NCLN: variants seen among roughly 807,000 people sequenced by gnomAD.
NCLN encodes the protein nicalin.
NCLN carries 34 observed loss-of-function variants against 69.5 expected under a neutral mutation model. The observed-to-expected ratio is 0.49, with a 90% CI of 0.37 to 0.65. The LOEUF (loss-of-function observed/expected upper bound fraction) is 0.65. Among genes scored for constraint, NCLN ranks in the 30% least tolerant of loss-of-function variants. NCLN has a pLI of 0.00. For missense variants in NCLN, 710 were observed against 804.8 expected (o/e 0.88, Z 1.42); for synonymous variants, 393 against 358.3 (o/e 1.10, Z -1.09).
rs1482901781 is a variant in NCLN, at chr19:3,205,831, G to A, written c.1209-108G>A. ...AGCTTAATTTTTTTTTTTTTTTAAA[G>A]ACAGAGTCTCACGGTCTCCTAGGCT... is the stretch of plus-strand genomic sequence containing the variant. On this transcript the variant is annotated intron_variant, in intron 9 of 14. Transcript: ENST00000246117. The surrounding 1 kb of genome is among the most constrained non-coding windows in gnomAD (Gnocchi z 4.6). 1 of 879,876 alleles carries A rather than the reference G, an allele frequency of 1.1e-6. No individual in the cohort carries two copies. The allele number at this position is 879,876 out of a possible 1,614,324, so 54.5% of individuals were successfully genotyped here.
chr19:3,201,287 A>G (rs1417051923), intron 5 of NCLN, among the ~76,000 whole-genome samples: 1 of 152,198 alleles, frequency 6.6e-6, no homozygotes, highest in East Asian at 1.9e-4. Context: ...CGCAGACCCC[A>G]GGCCATCAGT....
chr19:3,201,432 G>A (rs1051482175), intron 5 of NCLN, 91 bp from the exon 6 acceptor site: 8 of 876,830 alleles, frequency 9.1e-6, no homozygotes, highest in Admixed American at 8.6e-5. Flanking sequence ...TGGGGGTGAC[G>A]GAGAGATGAC....
rs1568316380 is a variant in NCLN at position 3,207,267 on chromosome 19, CG to C, written c.1553+19del. ...ATGCGTACAGGTGAGTGGTGGCCAG[CG>C]GGACCTGGAGCCCTTCACCCCCTAC... On this transcript the variant is annotated intron_variant, in intron 13 of 14. Coordinates refer to ENST00000246117, the MANE Select transcript of NCLN (RefSeq NM_020170.4). 1 of 1,613,542 alleles carries C rather than the reference CG, an allele frequency of 6.2e-7. No homozygotes were observed. The highest frequency in any genetic ancestry group is 1.7e-5 in the Admixed American group (1 of 60,022).
At chr19:3,207,317 G>A in intron 13 of NCLN, 66 bp downstream of exon 13, 6 of 1,612,408 alleles carry the variant, frequency 3.7e-6, no homozygotes, top group South Asian at 1.1e-5. Context: ...GGGGACTGCG[G>A]CCCACGGGGG....
chr19:3,199,671 CCAG>C (rs377393562), intron 5 of NCLN, among the ~76,000 whole-genome samples: 38 of 148,784 alleles, frequency 2.6e-4, no homozygotes, highest in African/African-American at 8.9e-4. Context: ...ACGGTGTCAA[CCAG>C]CACCCTGCCT....
At chr19:3,194,395 G>C (rs1404566877) in intron 3 of NCLN, among the ~76,000 whole-genome samples, 2 of 151,986 alleles carry the variant, frequency 1.3e-5, no homozygotes, top group African/African-American at 4.8e-5. Flanking sequence ...AAAAAAAAAA[G>C]TTTCATCCTA....
At chr19:3,193,879 G>C (rs183981134) in intron 3 of NCLN, among the ~76,000 whole-genome samples, 130 of 152,386 alleles carry the variant, frequency 8.5e-4, no homozygotes, top group African/African-American at 3.0e-3. Flanking sequence ...CGGGGGCCCT[G>C]GCAGCGAACT....
At chr19:3,199,867 AT>A (rs957040746) in intron 5 of NCLN, among the ~76,000 whole-genome samples, 9 of 151,164 alleles carry the variant, frequency 6.0e-5, no homozygotes, top group Non-Finnish European at 1.2e-4. Context: ...CACCTGGCTA[AT>A]TTTTTTTATT....
At chr19:3,194,916 G>A (rs887316405) in intron 3 of NCLN, among the ~76,000 whole-genome samples, 1 of 151,914 alleles carries the variant, frequency 6.6e-6, no homozygotes, top group Non-Finnish European at 1.5e-5. Flanking sequence ...GCTCACGCCT[G>A]TTGTCCCAGC....
chr19:3,204,522 G>T (rs532828168), intron 8 of NCLN, 51 bp from the exon 9 acceptor site: 2 of 1,482,576 alleles, frequency 1.3e-6, no homozygotes, highest in South Asian at 1.4e-5. Flanking sequence ...GAATGGGCTG[G>T]GGTGGCCGCC....
chr19:3,203,650 T>A, intron 6 of NCLN, 106 bp from the exon 7 acceptor site: 3 of 989,766 alleles, frequency 3.0e-6, no homozygotes, highest in Non-Finnish European at 4.5e-6. Context: ...ATTTCCTGCT[T>A]TGGGGAGACC....
chr19:3,205,728 C>T lies in NCLN; in HGVS notation c.1209-211C>T, dbSNP rs563644803. 35 of 574,002 alleles carry T rather than the reference C, an allele frequency of 6.1e-5. No homozygotes were observed. The highest frequency in any genetic ancestry group is 3.8e-4 in the African/African-American group (20 of 52,904). The allele number at this position is 574,002 out of a possible 1,614,324, so 35.6% of individuals were successfully genotyped here. A position where few individuals can be genotyped will look rare whatever the true frequency, so the allele number is the denominator to read the frequency against. ...CGTGAGCCTTACCTGCGCACAGGGA[C>T]GGGTCAGGGCAAGGGGCCTGGAGGT... On this transcript the variant is annotated intron_variant, in intron 9 of 14. Transcript: ENST00000246117. This position sits in a 1 kb window ranked among gnomAD's most constrained non-coding sequence, Gnocchi z 4.6.
rs757066117 is a variant in NCLN at position 3,192,571 on chromosome 19, C to G, written c.286C>G (p.Gln96Glu). ...LMRLLDFSYE[Q>E]YQKALRQSAG... ...GCGGCTACTGGACTTCTCCTACGAG[C>G]AGTACCAGAAGGCCCTGCGGCAGTC... The change falls in exon 2 of 15, where the codon CAG becomes GAG. Residue 96 changes from glutamine (Q) to glutamate (E), a missense_variant. Gln to Glu is a conservative substitution (Grantham distance 29, BLOSUM62 2). Transcript: ENST00000246117. 5 of 1,609,784 alleles carry G rather than the reference C, an allele frequency of 3.1e-6. No individual in the cohort carries two copies. In the Admixed American group the frequency reaches 8.4e-5, roughly 27 times the overall value.
intron 1 of NCLN, among the ~76,000 whole-genome samples, chr19:3,191,715 G>A (rs1048731296): frequency 6.6e-6 from 1 of 152,222 alleles, no homozygotes; most frequent in Non-Finnish European, 1.5e-5. Flanking sequence ...CTTACCTGTT[G>A]TATATGGCTG....
chr19:3,191,095 G>A (rs955545865), intron 1 of NCLN, among the ~76,000 whole-genome samples: 34 of 151,856 alleles, frequency 2.2e-4, no homozygotes, highest in African/African-American at 8.2e-4. Context: ...GGAGATCGTC[G>A]CGGTGCGTGG....
At chr19:3,187,493 G>T (rs1915701066) in intron 1 of NCLN, among the ~76,000 whole-genome samples, 1 of 152,204 alleles carries the variant, frequency 6.6e-6, no homozygotes, top group Non-Finnish European at 1.5e-5. Context: ...GCTTCTGCCA[G>T]CCCTTGGGGA....
chr19:3,207,503 C>T (rs1479341878), intron 14 of NCLN, 34 bp downstream of exon 14: 1 of 1,610,740 alleles, frequency 6.2e-7, no homozygotes, highest in South Asian at 1.1e-5. Flanking sequence ...GGGGCAGGGG[C>T]CGCCCGCCGG....
chr19:3,193,210 C>T (rs1915875171), intron 2 of NCLN, 74 bp from the exon 3 acceptor site: 3 of 1,423,510 alleles, frequency 2.1e-6, no homozygotes, highest in Admixed American at 1.9e-5. Flanking sequence ...CCACCAGGGA[C>T]AGTCACTGGG....
rs528318243 is a variant in NCLN, at chr19:3,193,457, C to G, written c.520+29C>G. 102 of 1,565,310 alleles carry G rather than the reference C, an allele frequency of 6.5e-5. No individual in the cohort carries two copies. The South Asian group carries it at 1.2e-3, about 18-fold the overall frequency. On this transcript the variant is annotated intron_variant, in intron 3 of 14. Coordinates refer to ENST00000246117, the MANE Select transcript of NCLN (RefSeq NM_020170.4). ...TGCTCTGGGCTGCAGGGACGGGGCCCGTGGGCGTGGGTGTGGGGAGGCGTC... is the reference window on the plus strand; with the variant it reads ...TGCTCTGGGCTGCAGGGACGGGGCCGGTGGGCGTGGGTGTGGGGAGGCGTC...
Sources: allele counts gnomAD v4.1 joint callset (sites outside exome capture counted in the v4.1 genomes callset), GRCh38; gene constraint gnomAD v4.1.1; non-coding constraint Gnocchi (gnomAD v3.1); transcripts MANE v1.5; gene names NCBI Gene and HGNC (gene_info 2026-07-23, HGNC 2026-07-21).